Variants in LAMC2 observed in about 807,000 individuals in gnomAD.
LAMC2 encodes the protein laminin subunit gamma-2.
LAMC2 carries 97 observed loss-of-function variants against 140.2 expected under a neutral mutation model. That is an observed-to-expected ratio of 0.69 (90% confidence interval 0.59 to 0.82). LAMC2 has a LOEUF of 0.82. Ranked by LOEUF, LAMC2 falls within the 40% of genes least tolerant of loss-of-function variation. The probability of loss-of-function intolerance (pLI) is 0.00; values close to 1 mark genes in which losing one functional copy is unlikely to be tolerated. For missense variants in LAMC2, 1,402 were observed against 1,476.1 expected (o/e 0.95, Z 0.82); for synonymous variants, 513 against 540.2 (o/e 0.95, Z 0.70).
Position 183,197,364 on chromosome 1 carries a change from T to A in LAMC2, c.80-10517T>A, listed in dbSNP as rs573098373. 9.2e-5 allele frequency among the ~76,000 whole-genome samples: 14 copies of A among 152,266 alleles called. No individual in the cohort carries two copies. The South Asian group carries it at 2.3e-3, about 25-fold the overall frequency. ...TAAACAGGTTTTGTGTAAAGAACTT[T>A]TGAGATAACCAATTGGAAATGTAAA... On this transcript the variant is annotated intron_variant, in intron 1 of 22. Transcript: ENST00000264144.
At chr1:183,253,935 GTGTGTGTGTA>G in the LAMC2 span, among the ~76,000 whole-genome samples, 9 of 150,720 alleles carry the variant, frequency 6.0e-5, no homozygotes, top group East Asian at 9.8e-4. Context: ...GTGTGTGTGT[GTGTGTGTGTA>G]TGTGTGTGTG....
chr1:183,214,278 A>C (rs1226932872), intron 2 of LAMC2, among the ~76,000 whole-genome samples: 29 of 152,152 alleles, frequency 1.9e-4, no homozygotes, highest in Admixed American at 1.7e-3. Context: ...ATAAGGTGAG[A>C]TCATCCTAAG....
intron 17 of LAMC2, 70 bp from the exon 18 acceptor site, chr1:183,237,282 A>C: frequency 6.5e-7 from 1 of 1,543,004 alleles, no homozygotes; most frequent in Non-Finnish European, 9.0e-7. Flanking sequence ...CAATGGTGCC[A>C]GGTCCTAACA....
rs927442108 is a variant in LAMC2 at position 183,244,969 on chromosome 1, A to G, written c.*1569A>G. 4 of 152,218 alleles carry G rather than the reference A, an allele frequency of 2.6e-5. No homozygotes were observed. The highest frequency in any genetic ancestry group is 7.2e-5 in the African/African-American group (3 of 41,448). 9.4% of individuals were successfully genotyped at this position (152,218 alleles called of 1,614,324 possible). A position where few individuals can be genotyped will look rare whatever the true frequency, so the allele number is the denominator to read the frequency against. On this transcript the variant is annotated 3_prime_UTR_variant, in exon 23 of 23. Transcript: ENST00000264144. The stretch of plus-strand genomic sequence containing the variant: ...TGGTACCAAAGTAATGGAAATGAAA[A>G]TGCCACAGAAATGGCAATAGGTCCT...
Position 183,238,438 on chromosome 1 carries a change from T to C in LAMC2, c.2869+17T>C. On this transcript the variant is annotated intron_variant, in intron 19 of 22. Coordinates refer to ENST00000264144, the MANE Select transcript of LAMC2 (RefSeq NM_005562.3). The stretch of plus-strand genomic sequence containing the variant: ...ACCTCAGAGGTTAGTACTTCATGGT[T>C]CAGGTCACTTGAGTATTTTAAGTGT... The C allele has an allele frequency of 1.3e-6, 2 of 1,533,608 alleles. No homozygotes were observed. The highest frequency in any genetic ancestry group is 1.8e-6 in the Non-Finnish European group (2 of 1,106,416).
Position 183,232,749 on chromosome 1 carries a change from A to C in LAMC2, c.2112A>C (p.Arg704Ser), listed in dbSNP as rs1659838334. The part of the protein sequence containing the change: ...RLDDLKMTVE[R>S]VRALGSQYQN... Reference sequence around the variant, plus strand: ...ATGACCTCAAGATGACTGTGGAAAGAGTTCGGGCTCTGGGAAGTCAGTACC... The same window carrying C: ...ATGACCTCAAGATGACTGTGGAAAGCGTTCGGGCTCTGGGAAGTCAGTACC... The change falls in exon 14 of 23, where the codon AGA (arginine) becomes AGC (serine). Residue 704 changes from arginine (R) to serine (S), a missense_variant. Physicochemically the swap from Arg to Ser is moderately radical, Grantham distance 110. This residue lies in a region of LAMC2 where 670 missense variants were observed against 667.2 expected (regional missense o/e 1.00). Transcript: ENST00000264144. 1.2e-6 allele frequency: 2 copies of C among 1,613,910 alleles called. No individual in the cohort carries two copies. The highest frequency in any genetic ancestry group is 3.3e-5 in the Admixed American group (2 of 59,992).
rs548368956 is a variant in LAMC2 at position 183,211,411 on chromosome 1, T to C, written c.268+3342T>C. Among the ~76,000 whole-genome samples the C allele has an allele frequency of 2.0e-5, 3 of 152,370 alleles. No individual in the cohort carries two copies. In the South Asian group the frequency reaches 6.2e-4, roughly 32 times the overall value. On this transcript the variant is annotated intron_variant, in intron 2 of 22. Transcript: ENST00000264144. Reference sequence around the variant, plus strand: ...CAGACTATAACATTTGAGTAATTATTTAAAACATGTTTTTAAATGCAAGTG... The same window carrying C: ...CAGACTATAACATTTGAGTAATTATCTAAAACATGTTTTTAAATGCAAGTG...
At chr1:183,232,920 C>A in intron 14 of LAMC2, 63 bp downstream of exon 14, 1 of 1,454,534 alleles carries the variant, frequency 6.9e-7, no homozygotes. Flanking sequence ...ACTTGTAGAT[C>A]TCACTGACTC....
At position 183,234,436 on chromosome 1, in the gene LAMC2, T is replaced by A. The variant is rs1423733107; in HGVS notation, c.2290T>A (p.Leu764Ile). 6.2e-7 allele frequency: 1 copy of A among 1,613,922 alleles called. No homozygotes were observed. The highest frequency in any genetic ancestry group is 1.1e-5 in the South Asian group (1 of 91,062). ...FKSLAQEATR[L>I]AESHVESASN... Reference sequence around the variant, plus strand: ...AAGTCTGGCTCAGGAGGCCACAAGATTAGCAGAAAGGTGAGCAGCATTAGA... The same window carrying A: ...AAGTCTGGCTCAGGAGGCCACAAGAATAGCAGAAAGGTGAGCAGCATTAGA... Residue 764 changes from leucine (L) to isoleucine (I), a missense_variant, in exon 15 of 23, where the codon TTA (leucine) becomes ATA (isoleucine). Physicochemically the swap from Leu to Ile is conservative, Grantham distance 5. Coordinates refer to ENST00000264144, the MANE Select transcript of LAMC2 (RefSeq NM_005562.3).
At position 183,240,179 on chromosome 1, in the gene LAMC2, A is replaced by C. The variant is rs772021993; in HGVS notation, c.3209A>C (p.Asn1070Thr). The part of the protein sequence containing the change: ...LERKELEFDT[N>T]MDAVQMVITE... ...AGGAAGGAGCTGGAGTTTGACACGA[A>C]TATGGATGCAGTACAGATGGTGAGT... Residue 1070 changes from asparagine (N) to threonine (T), a missense_variant, in exon 21 of 23, where the codon AAT becomes ACT. This residue lies in a region of LAMC2 where 670 missense variants were observed against 667.2 expected (regional missense o/e 1.00). Transcript: ENST00000264144. The C allele has an allele frequency of 6.2e-7, 1 of 1,614,252 alleles. No individual in the cohort carries two copies. Among genetic ancestry groups the C allele is most frequent in the East Asian group, 2.2e-5 (1 of 44,882 alleles).
intron 8 of LAMC2, 84 bp downstream of exon 8, chr1:183,225,804 A>G: frequency 1.2e-6 from 1 of 860,650 alleles, no homozygotes; most frequent in African/African-American, 1.6e-5. Flanking sequence ...GGCAGTCTCC[A>G]AACAAGTAGA....
In LAMC2 at chr1:183,244,277, A is replaced by T. The variant is rs1660197427; in HGVS notation, c.*877A>T. On this transcript the variant is annotated 3_prime_UTR_variant, in exon 23 of 23. Transcript: ENST00000264144. ...TTTTCGAACACCAAAAATGATGCGC[A>T]TCAATGTATTTTATCTTATTTTCTC... is the stretch of plus-strand genomic sequence containing the variant. The T allele has an allele frequency of 6.6e-6, 1 of 152,218 alleles. No homozygotes were observed. The highest frequency in any genetic ancestry group is 6.5e-5 in the Admixed American group (1 of 15,280). The allele number at this position is 152,218 out of a possible 1,614,324, so 9.4% of individuals were successfully genotyped here. A position where few individuals can be genotyped will look rare whatever the true frequency, so the allele number is the denominator to read the frequency against.
chr1:183,200,368 C>A (rs974240759), intron 1 of LAMC2, among the ~76,000 whole-genome samples: 3 of 149,508 alleles, frequency 2.0e-5, no homozygotes, highest in Non-Finnish European at 4.4e-5. Flanking sequence ...CCAGCCTGGG[C>A]GACAGAACGA....
At chr1:183,203,476 C>T (rs1010215758) in intron 1 of LAMC2, among the ~76,000 whole-genome samples, 1 of 151,506 alleles carries the variant, frequency 6.6e-6, no homozygotes, top group African/African-American at 2.4e-5. Flanking sequence ...GTTTCCTGCC[C>T]CCCGCCCCCC....
the LAMC2 span, chr1:183,251,734 G>A: frequency 6.5e-6 from 1 of 153,132 alleles, no homozygotes; most frequent in African/African-American, 2.4e-5. Context: ...TAAGCTCAGA[G>A]CATCAGGGAA....
In LAMC2 at chr1:183,186,328, A is replaced by C. The variant is rs772328707; in HGVS notation, c.-25A>C. Reference sequence around the variant, plus strand: ...GGGCAGCGACCCCTGCAGCGGAGACAGAGACTGAGCGGCCCGGCCCCGCCA... The same window carrying C: ...GGGCAGCGACCCCTGCAGCGGAGACCGAGACTGAGCGGCCCGGCCCCGCCA... On this transcript the variant is annotated 5_prime_UTR_variant, in exon 1 of 23. Coordinates refer to ENST00000264144, the MANE Select transcript of LAMC2 (RefSeq NM_005562.3). 5.7e-6 allele frequency: 9 copies of C among 1,579,896 alleles called. No homozygotes were observed. Among genetic ancestry groups the C allele is most frequent in the Non-Finnish European group, 7.7e-6 (9 of 1,169,800 alleles).
At chr1:183,208,323 G>C (rs535177984) in intron 2 of LAMC2, among the ~76,000 whole-genome samples, 7 of 152,138 alleles carry the variant, frequency 4.6e-5, no homozygotes, top group Non-Finnish European at 2.9e-5. Context: ...AACCAGTTGG[G>C]ACCTTGAGGG....
At chr1:183,234,967 G>A (rs1313101220) in intron 15 of LAMC2, among the ~76,000 whole-genome samples, 8 of 152,144 alleles carry the variant, frequency 5.3e-5, no homozygotes, top group African/African-American at 9.7e-5. Context: ...TGCTGGTAGC[G>A]GTCTGCTCAG....
chr1:183,258,896 T>A, the LAMC2 span, among the ~76,000 whole-genome samples: 1 of 152,258 alleles, frequency 6.6e-6, no homozygotes, highest in Non-Finnish European at 1.5e-5. Context: ...CCCATGAAGT[T>A]TTCCTTAAAA....
Sources: allele counts gnomAD v4.1 joint callset (sites outside exome capture counted in the v4.1 genomes callset), GRCh38; gene constraint gnomAD v4.1.1; regional missense constraint gnomAD v4.1.1; transcripts MANE v1.5; gene names NCBI Gene and HGNC (gene_info 2026-07-23, HGNC 2026-07-21).